Variants in NEAT1 observed in about 807,000 individuals in gnomAD.
NEAT1 encodes the protein nuclear paraspeckle assembly transcript 1.
chr11:65,428,283 T>C (rs1219517326), exon 1 of NEAT1: 1 of 152,228 alleles, frequency 6.6e-6, no homozygotes, highest in African/African-American at 2.4e-5. Flanking sequence ...GAAAGTACCC[T>C]GAGAGCCAGT....
exon 1 of NEAT1, chr11:65,444,524 C>T: frequency 2.0e-6 from 1 of 496,042 alleles, no homozygotes; most frequent in South Asian, 1.5e-5. Flanking sequence ...GCTCCAGGGG[C>T]CCTCCCTCCA....
At chr11:65,442,102 G>T (rs1395351755) in exon 1 of NEAT1, 2 of 151,964 alleles carry the variant, frequency 1.3e-5, no homozygotes. Context: ...GTGGACAGTT[G>T]TTGCCTCATT....
At chr11:65,424,473 C>G (rs1174761437) in exon 1 of NEAT1, 1 of 152,164 alleles carries the variant, frequency 6.6e-6, no homozygotes, top group Admixed American at 6.5e-5. Context: ...GATGGAGCCC[C>G]GTGACCTCTC....
chr11:65,426,468 A>G lies in NEAT1; in HGVS notation n.3671A>G, dbSNP rs1026492159. 2.0e-5 allele frequency: 3 copies of G among 152,216 alleles called. No individual in the cohort carries two copies. In the East Asian group the frequency reaches 5.8e-4, roughly 29 times the overall value. The allele number at this position is 152,216 out of a possible 1,614,324, so 9.4% of individuals were successfully genotyped here. ...ACTAATTCTGTTACGTCATGTACAT[A>G]ATTACTAATCACTTTTCTTCCCCTT... is the stretch of plus-strand genomic sequence containing the variant. On this transcript the variant is annotated non_coding_transcript_exon_variant, in exon 1 of 1. Transcript: ENST00000501122.
exon 1 of NEAT1, chr11:65,436,835 A>C (rs996131486): frequency 6.6e-6 from 1 of 152,134 alleles, no homozygotes; most frequent in African/African-American, 2.4e-5. Flanking sequence ...TTTTATGTAC[A>C]TGGGCAAGTA....
chr11:65,437,824 TCTGC>T (rs2134903770), exon 1 of NEAT1: 1 of 152,240 alleles, frequency 6.6e-6, no homozygotes, highest in African/African-American at 2.4e-5. Context: ...TACGTTTTGC[TCTGC>T]CTAATGGTTA....
At chr11:65,434,623 A>T (rs577101735) in exon 1 of NEAT1, 1 of 151,876 alleles carries the variant, frequency 6.6e-6, no homozygotes, top group South Asian at 2.1e-4. Flanking sequence ...CTGTGCGATC[A>T]TCGTCATACA....
At chr11:65,437,485 C>A (rs771799943) in exon 1 of NEAT1, 2 of 151,968 alleles carry the variant, frequency 1.3e-5, no homozygotes, top group African/African-American at 4.8e-5. Context: ...TGTCTATTCA[C>A]GTGCCAGTTC....
At chr11:65,444,799 T>C (rs773645746) in exon 1 of NEAT1, 4 of 258,644 alleles carry the variant, frequency 1.5e-5, no homozygotes, top group Non-Finnish European at 3.1e-5. Flanking sequence ...TGCTTCCGAC[T>C]TCATTTCGAG....
chr11:65,426,045 GGAGA>G (rs966541658), exon 1 of NEAT1: 2 of 152,134 alleles, frequency 1.3e-5, no homozygotes, highest in African/African-American at 4.8e-5. Flanking sequence ...GGGATTGTGG[GGAGA>G]GAGTGGGCGA....
exon 1 of NEAT1, chr11:65,440,096 AAAG>A (rs1465301502): frequency 1.1e-4 from 17 of 152,314 alleles, no homozygotes; most frequent in African/African-American, 3.1e-4. Flanking sequence ...ATCTCTTAAA[AAAG>A]AAGAAGTTTT....
exon 1 of NEAT1, chr11:65,444,325 A>C: frequency 2.8e-6 from 1 of 358,848 alleles, no homozygotes; most frequent in Non-Finnish European, 5.5e-6. Context: ...GTGTGTGTAA[A>C]AGAGAGAAGT....
chr11:65,441,775 C>T (rs941810608), exon 1 of NEAT1: 1 of 152,204 alleles, frequency 6.6e-6, no homozygotes, highest in African/African-American at 2.4e-5. Context: ...ATCTTTTCCT[C>T]CGGCATGCCT....
chr11:65,428,982 A>G (rs1490928603), exon 1 of NEAT1: 3 of 152,188 alleles, frequency 2.0e-5, no homozygotes, highest in Non-Finnish European at 4.4e-5. Flanking sequence ...TTTAAACAAA[A>G]ATGGGATTAT....
chr11:65,429,819 C>G (rs913067125), exon 1 of NEAT1: 1 of 151,988 alleles, frequency 6.6e-6, no homozygotes, highest in East Asian at 1.9e-4. Flanking sequence ...AAACCTTCTT[C>G]CCCGTGGTGT....
exon 1 of NEAT1, chr11:65,444,684 G>A (rs991653760): frequency 4.2e-5 from 15 of 360,234 alleles, no homozygotes; most frequent in East Asian, 3.9e-4. Context: ...GGCAAGTACC[G>A]GCTGAGGGTC....
At chr11:65,444,898 C>T (rs1856752706) in exon 1 of NEAT1, 2 of 224,788 alleles carry the variant, frequency 8.9e-6, no homozygotes, top group Non-Finnish European at 1.8e-5. Flanking sequence ...TCTGCGTGAC[C>T]TCAGGTGCTT....
chr11:65,438,449 G>C (rs1021051622), exon 1 of NEAT1: 6 of 151,790 alleles, frequency 4.0e-5, no homozygotes, highest in African/African-American at 1.5e-4. Context: ...TTGCTATGTT[G>C]TGCAACCATC....
At chr11:65,442,132 T>C (rs1380664632) in exon 1 of NEAT1, 2 of 151,966 alleles carry the variant, frequency 1.3e-5, no homozygotes, top group Non-Finnish European at 2.9e-5. Context: ...TTTGATTTTT[T>C]TTTTTTTTTT....
Sources: allele counts gnomAD v4.1 joint callset, GRCh38; gene constraint gnomAD v4.1.1; transcripts MANE v1.5; gene names NCBI Gene and HGNC (gene_info 2026-07-23, HGNC 2026-07-21).